The following HIBADH variants were observed in gnomAD, a reference collection of about 807,000 sequenced individuals.
The protein encoded by HIBADH is 3-hydroxyisobutyrate dehydrogenase, mitochondrial.
A neutral mutation model predicts 36.1 loss-of-function variants in HIBADH; 25 were observed. The observed-to-expected ratio is 0.69, with a 90% CI of 0.50 to 0.97. The LOEUF (loss-of-function observed/expected upper bound fraction) is 0.97. Among genes scored for constraint, HIBADH ranks in the 50% least tolerant of loss-of-function variants. The pLI is 0.00. For missense variants in HIBADH, 421 were observed against 418.0 expected, an observed-to-expected ratio of 1.01 and a Z score of -0.06; for synonymous variants, 160 against 149.5, an observed-to-expected ratio of 1.07 and a Z score of -0.51.
intron 4 of HIBADH, among the ~76,000 whole-genome samples, chr7:27,623,879 C>G (rs560800634): frequency 1.3e-5 from 2 of 152,306 alleles, no homozygotes; most frequent in Admixed American, 6.5e-5. Context: ...CTCACTGCAA[C>G]CTCTACCTCC....
intron 4 of HIBADH, among the ~76,000 whole-genome samples, chr7:27,584,844 GGCA>G (rs1784835844): frequency 6.6e-6 from 1 of 151,836 alleles, no homozygotes; most frequent in Admixed American, 6.6e-5. Flanking sequence ...TCTTGCTAAG[GGCA>G]GCAGTTTTAC....
Position 27,632,434 on chromosome 7 carries a change from G to C in HIBADH, c.264C>G (p.Ser88=). ...CAGCTTTTTCAGCAACATCTGCTGG[G>C]GAAGATACTACCTTTAAAAAAAATT... ...FQDAGEQVVS[S]PADVAEKADR... Residue 88 remains serine, a synonymous_variant, in exon 3 of 8, where the codon TCC becomes TCG. Transcript: ENST00000265395. The C allele has an allele frequency of 6.2e-7, 1 of 1,611,168 alleles. No individual in the cohort carries two copies. Among genetic ancestry groups the C allele is most frequent in the African/African-American group, 1.3e-5 (1 of 74,884 alleles).
chr7:27,631,267 C>T (rs529584671), intron 3 of HIBADH, among the ~76,000 whole-genome samples: 5 of 152,258 alleles, frequency 3.3e-5, no homozygotes, highest in African/African-American at 1.2e-4. Context: ...ACACTGTGGC[C>T]CTGAGAGCTC....
chr7:27,583,422 T>C (rs1276836149), intron 4 of HIBADH, among the ~76,000 whole-genome samples: 2 of 152,010 alleles, frequency 1.3e-5, no homozygotes, highest in African/African-American at 2.4e-5. Flanking sequence ...TGCAGTCTAA[T>C]ACTGTTATGA....
chr7:27,609,598 AG>A (rs1785290182), intron 4 of HIBADH, among the ~76,000 whole-genome samples: 1 of 152,174 alleles, frequency 6.6e-6, no homozygotes, highest in African/African-American at 2.4e-5. Context: ...CTCATTTCTA[AG>A]GAAATGGATT....
intron 4 of HIBADH, among the ~76,000 whole-genome samples, chr7:27,554,026 C>T (rs1173382967): frequency 6.6e-6 from 1 of 152,032 alleles, no homozygotes; most frequent in East Asian, 1.9e-4. Flanking sequence ...GCTCTTTTTG[C>T]CTAGGCTGGA....
At chr7:27,599,543 G>T (rs549246737) in intron 4 of HIBADH, among the ~76,000 whole-genome samples, 61 of 151,726 alleles carry the variant, frequency 4.0e-4, no homozygotes, top group African/African-American at 1.4e-3. Flanking sequence ...TTAGCTGGGC[G>T]TGGTGGCAGG....
intron 4 of HIBADH, among the ~76,000 whole-genome samples, chr7:27,616,987 G>T (rs78086137): frequency 0.016 from 2,411 of 152,094 alleles, 41 homozygotes; most frequent in Non-Finnish European, 0.025. Flanking sequence ...TATTATTGAA[G>T]AAAAATATTT....
intron 4 of HIBADH, among the ~76,000 whole-genome samples, chr7:27,563,720 A>C (rs1235273551): frequency 6.6e-6 from 1 of 151,922 alleles, no homozygotes; most frequent in Non-Finnish European, 1.5e-5. Flanking sequence ...ATGTCTGTTG[A>C]AATCTTTTGC....
At chr7:27,631,753 A>G (rs939139823) in intron 3 of HIBADH, among the ~76,000 whole-genome samples, 6 of 152,174 alleles carry the variant, frequency 3.9e-5, no homozygotes, top group African/African-American at 1.4e-4. Context: ...TTTACATCCT[A>G]CTGCTCAAGC....
intron 2 of HIBADH, among the ~76,000 whole-genome samples, chr7:27,643,447 T>C (rs1785998172): frequency 6.6e-6 from 1 of 152,210 alleles, no homozygotes; most frequent in Non-Finnish European, 1.5e-5. Context: ...AATGCTACTT[T>C]AAGCTCCATG....
At chr7:27,622,193 T>C (rs1490357066) in intron 4 of HIBADH, among the ~76,000 whole-genome samples, 1 of 152,082 alleles carries the variant, frequency 6.6e-6, no homozygotes, top group Non-Finnish European at 1.5e-5. Context: ...TGCAGTGAGC[T>C]GTGATTGCAC....
intron 2 of HIBADH, among the ~76,000 whole-genome samples, chr7:27,637,564 C>T (rs964879897): frequency 6.6e-6 from 1 of 152,140 alleles, no homozygotes; most frequent in Non-Finnish European, 1.5e-5. Context: ...TATCTCATCA[C>T]TCCTATTCAA....
At chr7:27,619,118 C>T (rs1439640717) in intron 4 of HIBADH, among the ~76,000 whole-genome samples, 1 of 152,184 alleles carries the variant, frequency 6.6e-6, no homozygotes, top group Admixed American at 6.5e-5. Flanking sequence ...TACCTGGCTT[C>T]CCAGTCCACA....
intron 4 of HIBADH, among the ~76,000 whole-genome samples, chr7:27,550,922 G>A (rs1347254201): frequency 6.6e-6 from 1 of 152,142 alleles, no homozygotes; most frequent in Non-Finnish European, 1.5e-5. Flanking sequence ...GCTCTTTTTA[G>A]TATCAATGTG....
chr7:27,533,879 AG>A (rs1562612251), intron 6 of HIBADH, among the ~76,000 whole-genome samples: 1 of 152,224 alleles, frequency 6.6e-6, no homozygotes, highest in African/African-American at 2.4e-5. Context: ...TTTCTGCATA[AG>A]AGCCCCATTG....
chr7:27,579,529 T>C (rs1459709249), intron 4 of HIBADH, among the ~76,000 whole-genome samples: 1 of 152,164 alleles, frequency 6.6e-6, no homozygotes, highest in African/African-American at 2.4e-5. Flanking sequence ...ATCTTTTGAT[T>C]TACAAAAACA....
chr7:27,633,545 G>T (rs773440266), intron 2 of HIBADH, among the ~76,000 whole-genome samples: 15 of 152,132 alleles, frequency 9.9e-5, no homozygotes, highest in Non-Finnish European at 1.5e-4. Flanking sequence ...AGTAGTCCCA[G>T]CTCCTTGGGA....
In HIBADH at chr7:27,531,319, T is replaced by A; in HGVS notation, c.725A>T (p.Lys242Ile). ...RLGLDPKLLA[K>I]ILNMSSGRCW... Reference sequence around the variant, plus strand: ...CCGTCCTGAGCTCATATTTAGGATTTTAGCCAGTAGTTTTGGGTCAAGCCC... The same window carrying A: ...CCGTCCTGAGCTCATATTTAGGATTATAGCCAGTAGTTTTGGGTCAAGCCC... The change falls in exon 7 of 8, where the codon AAA becomes ATA. Residue 242 changes from lysine (K) to isoleucine (I), a missense_variant. By Grantham distance (102) the Lys-to-Ile change is moderately radical. Coordinates refer to ENST00000265395, the MANE Select transcript of HIBADH (RefSeq NM_152740.4). 6.2e-7 allele frequency: 1 copy of A among 1,613,374 alleles called. No individual in the cohort carries two copies. Among genetic ancestry groups the A allele is most frequent in the East Asian group, 2.2e-5 (1 of 44,870 alleles).
Sources: allele counts gnomAD v4.1 joint callset (sites outside exome capture counted in the v4.1 genomes callset), GRCh38; gene constraint gnomAD v4.1.1; transcripts MANE v1.5; gene names NCBI Gene and HGNC (gene_info 2026-07-23, HGNC 2026-07-21).